MARCHF1: variants seen among roughly 807,000 people sequenced by gnomAD.
The protein encoded by MARCHF1 is membrane associated ring-CH-type finger 1, also known as E3 ubiquitin-protein ligase MARCHF1.
In MARCHF1, 40 loss-of-function variants were observed where a neutral mutation model predicts 54.2. The ratio of observed to expected loss-of-function variants is 0.74; its 90% confidence interval spans 0.57 to 0.96. The LOEUF (loss-of-function observed/expected upper bound fraction) is 0.96, where lower values mean the gene tolerates loss of function less well. Ranked by LOEUF, MARCHF1 falls within the 40% of genes least tolerant of loss-of-function variation. The probability of loss-of-function intolerance (pLI) is 0.00; values close to 1 mark genes in which losing one functional copy is unlikely to be tolerated. For synonymous variants in MARCHF1, 236 were observed against 236.3 expected, an observed-to-expected ratio of 1.00 and a Z score of 0.01; for missense variants, 586 against 656.5, an observed-to-expected ratio of 0.89 and a Z score of 1.17.
intron 2 of MARCHF1, among the ~76,000 whole-genome samples, chr4:164,085,459 C>G (rs764815590): frequency 2.6e-5 from 4 of 151,624 alleles, no homozygotes; most frequent in Non-Finnish European, 5.9e-5. Context: ...CATAATGAAA[C>G]TAAAGATAAA....
chr4:163,627,428 T>C (rs1315869779), intron 5 of MARCHF1, among the ~76,000 whole-genome samples: 1 of 152,208 alleles, frequency 6.6e-6, no homozygotes, highest in Non-Finnish European at 1.5e-5. Flanking sequence ...ATATACCCTA[T>C]TCTTGCACCC....
intron 4 of MARCHF1, among the ~76,000 whole-genome samples, chr4:163,729,653 A>C (rs548725931): frequency 6.6e-6 from 1 of 152,208 alleles, no homozygotes; most frequent in East Asian, 1.9e-4. Flanking sequence ...AGAGTTGTTT[A>C]TAACATTCCT....
At chr4:164,284,809 T>C (rs1734104988) in intron 1 of MARCHF1, among the ~76,000 whole-genome samples, 1 of 151,110 alleles carries the variant, frequency 6.6e-6, no homozygotes, top group African/African-American at 2.4e-5. Context: ...CAGTTCAATA[T>C]CGTATATGTT....
At chr4:163,920,228 C>T (rs1475779724) in intron 3 of MARCHF1, among the ~76,000 whole-genome samples, 4 of 152,112 alleles carry the variant, frequency 2.6e-5, no homozygotes, top group Non-Finnish European at 5.9e-5. Context: ...TTTCGTTCCC[C>T]ACCATAAACA....
At chr4:164,278,622 C>T (rs1733945462) in intron 1 of MARCHF1, among the ~76,000 whole-genome samples, 2 of 152,164 alleles carry the variant, frequency 1.3e-5, no homozygotes, top group Admixed American at 6.5e-5. Flanking sequence ...AAAGATCCAA[C>T]AGCAACTCCT....
intron 3 of MARCHF1, among the ~76,000 whole-genome samples, chr4:163,864,461 G>A (rs192313355): frequency 5.9e-5 from 9 of 151,934 alleles, no homozygotes; most frequent in Middle Eastern, 3.4e-3. Flanking sequence ...AAGGAGACCC[G>A]AAAACTAAAT....
At chr4:163,812,288 A>T (rs1748410970) in intron 4 of MARCHF1, among the ~76,000 whole-genome samples, 1 of 150,338 alleles carries the variant, frequency 6.7e-6, no homozygotes, top group Non-Finnish European at 1.5e-5. Flanking sequence ...AACATATATT[A>T]TATATATAAT....
intron 2 of MARCHF1, among the ~76,000 whole-genome samples, chr4:164,012,023 C>A (rs910682332): frequency 2.0e-5 from 3 of 152,182 alleles, no homozygotes; most frequent in Non-Finnish European, 4.4e-5. Context: ...CACATCTAGA[C>A]CAGCCCTGGG....
chr4:163,879,804 C>CGTGTGTGTGTGT lies in MARCHF1; in HGVS notation c.-38-25647_-38-25636dup, dbSNP rs60539215. 1.5e-3 allele frequency among the ~76,000 whole-genome samples: 217 copies of CGTGTGTGTGTGT among 148,490 alleles called. 2 individuals carry two copies. Among genetic ancestry groups the CGTGTGTGTGTGT allele is most frequent in the African/African-American group, 2.0e-3 (79 of 40,504 alleles). ...ATTTGTTAAAGAAAGGATTTAGAGG[C>CGTGTGTGTGTGT]GTGTGTGTGTGTGTGTGTGTGTGTG... On this transcript the variant is annotated intron_variant, in intron 3 of 9. Transcript: ENST00000514618.
At chr4:163,882,204 A>G (rs2111246173) in intron 3 of MARCHF1, among the ~76,000 whole-genome samples, 1 of 152,354 alleles carries the variant, frequency 6.6e-6, no homozygotes, top group South Asian at 2.1e-4. Context: ...CATAAAAAGC[A>G]TTTGTCATAG....
intron 7 of MARCHF1, 55 bp downstream of exon 7, chr4:163,612,216 A>G: frequency 7.2e-7 from 1 of 1,394,764 alleles, no homozygotes; most frequent in South Asian, 1.6e-5. Context: ...CACCTAACTC[A>G]CTGCAAAAAG....
chr4:163,838,801 T>C (rs1749261474), intron 4 of MARCHF1, among the ~76,000 whole-genome samples: 1 of 152,016 alleles, frequency 6.6e-6, no homozygotes, highest in Non-Finnish European at 1.5e-5. Context: ...ACAAAACTCT[T>C]ATAGGAAAAC....
rs1328808549 is a variant in MARCHF1 at position 163,574,621 on chromosome 4, T to C, written c.1191+11128A>G. Among the ~76,000 whole-genome samples, 9 of 149,670 alleles carry C rather than the reference T, an allele frequency of 6.0e-5. No individual in the cohort carries two copies. The East Asian group carries it at 1.2e-3, about 20-fold the overall frequency. ...CTCAGGTTTGTCAAAGATCAGATAG[T>C]TGTAGATATGCGGTGTTATTTCTGA... On this transcript the variant is annotated intron_variant, in intron 8 of 9. Transcript: ENST00000514618.
At chr4:163,883,271 GA>G (rs1750458971) in intron 3 of MARCHF1, among the ~76,000 whole-genome samples, 1 of 151,288 alleles carries the variant, frequency 6.6e-6, no homozygotes, top group African/African-American at 2.4e-5. Flanking sequence ...GAGAGAGAGA[GA>G]GAGAGAGAGA....
chr4:163,974,760 G>A (rs1357123128), intron 3 of MARCHF1, among the ~76,000 whole-genome samples: 6 of 152,088 alleles, frequency 3.9e-5, no homozygotes, highest in Non-Finnish European at 5.9e-5. Flanking sequence ...ACCTGGTGAC[G>A]GTGTTTATGT....
chr4:163,683,330 T>A (rs1185221919), intron 5 of MARCHF1, among the ~76,000 whole-genome samples: 2 of 152,088 alleles, frequency 1.3e-5, no homozygotes, highest in Non-Finnish European at 2.9e-5. Flanking sequence ...AACCATCAGA[T>A]CTTGTGAGAC....
chr4:163,720,660 A>G (rs1284340863), intron 4 of MARCHF1, among the ~76,000 whole-genome samples: 1 of 152,098 alleles, frequency 6.6e-6, no homozygotes, highest in Non-Finnish European at 1.5e-5. Context: ...CTATCCATGA[A>G]CATGGAATGT....
At chr4:163,615,160 T>C (rs1741470869) in intron 5 of MARCHF1, among the ~76,000 whole-genome samples, 1 of 152,238 alleles carries the variant, frequency 6.6e-6, no homozygotes, top group East Asian at 1.9e-4. Flanking sequence ...GCTCTCAAAA[T>C]GGTGCCATGT....
At chr4:164,279,832 T>C (rs984144926) in intron 1 of MARCHF1, among the ~76,000 whole-genome samples, 2 of 151,714 alleles carry the variant, frequency 1.3e-5, no homozygotes, top group Admixed American at 1.3e-4. Flanking sequence ...TTATGTGTAA[T>C]TACAATTACC....
Sources: allele counts gnomAD v4.1 joint callset (sites outside exome capture counted in the v4.1 genomes callset), GRCh38; gene constraint gnomAD v4.1.1; transcripts MANE v1.5; gene names NCBI Gene and HGNC (gene_info 2026-07-23, HGNC 2026-07-21).